The following AP1B1 variants were observed in gnomAD, a reference collection of about 807,000 sequenced individuals.
The protein encoded by AP1B1 is adaptor related protein complex 1 subunit beta 1.
In AP1B1, 36 loss-of-function variants were observed where a neutral mutation model predicts 104.3. The observed-to-expected ratio is 0.35, with a 90% CI of 0.26 to 0.46. The LOEUF is 0.46. Among genes scored for constraint, AP1B1 ranks in the 20% least tolerant of loss-of-function variants. AP1B1 has a pLI of 1.00. For missense variants in AP1B1, 901 were observed against 1,247.9 expected (o/e 0.72, Z 4.19); for synonymous variants, 504 against 517.5 (o/e 0.97, Z 0.35).
rs749823451 is a variant in AP1B1, at chr22:29,328,916, G to C, written c.2776-21C>G. ...GACAGCTGCAGGGGAGAGAGGGGTC[G>C]GGGGAAAGAGCGCTCATCCCTGGGG... On this transcript the variant is annotated intron_variant, in intron 22 of 22. Transcript: ENST00000357586. This position sits in a 1 kb window ranked among gnomAD's most constrained non-coding sequence, Gnocchi z 4.1. The C allele has an allele frequency of 6.2e-7, 1 of 1,600,290 alleles. No homozygotes were observed. Among genetic ancestry groups the C allele is most frequent in the Admixed American group, 1.7e-5 (1 of 57,464 alleles).
intron 3 of AP1B1, among the ~76,000 whole-genome samples, chr22:29,361,657 G>T (rs1411289505): frequency 1.3e-5 from 2 of 152,140 alleles, no homozygotes; most frequent in Non-Finnish European, 2.9e-5. Flanking sequence ...ACAATCTGGT[G>T]AGCAGGTAAA....
At position 29,356,516 on chromosome 22, in the gene AP1B1, G is replaced by T; in HGVS notation, c.626C>A (p.Thr209Lys). 1 of 1,614,234 alleles carries T rather than the reference G, an allele frequency of 6.2e-7. No individual in the cohort carries two copies. The highest frequency in any genetic ancestry group is 8.5e-7 in the Non-Finnish European group (1 of 1,180,042). ...LNPQSINKLLTALNECTEWGQ... is the reference protein window; with the variant it reads ...LNPQSINKLLKALNECTEWGQ... ...CCACTCGGTGCACTCATTGAGGGCT[G>T]TCAGCAGCTTGTTGATGGACTGTGG... The change falls in exon 6 of 23, where the codon ACA (threonine) becomes AAA (lysine). Residue 209 changes from threonine to lysine, a missense_variant. By Grantham distance (78) the Thr-to-Lys change is moderately conservative. Transcript: ENST00000357586.
chr22:29,358,997 G>C, intron 4 of AP1B1, 26 bp from the exon 5 acceptor site: 2 of 1,583,450 alleles, frequency 1.3e-6, no homozygotes, highest in Middle Eastern at 1.8e-4. Flanking sequence ...CATCGGCCAG[G>C]GCAGGGGTGG....
At chr22:29,388,219 G>A (rs1279970297) in intron 1 of AP1B1, among the ~76,000 whole-genome samples, 2 of 152,148 alleles carry the variant, frequency 1.3e-5, no homozygotes, top group African/African-American at 4.8e-5. Flanking sequence ...GTATGGGGCG[G>A]CCGAGGAACA....
rs181127377 is a variant in AP1B1, at chr22:29,359,975, G to A, written c.144-16C>T. On this transcript the variant is annotated splice_polypyrimidine_tract_variant and intron_variant, in intron 3 of 22. Transcript: ENST00000357586. ...GAAGAGGGCACTGGAAGGTCAAAATGGTGTCAGCATGGGAAAGGCTGAACA... is the reference window on the plus strand; with the variant it reads ...GAAGAGGGCACTGGAAGGTCAAAATAGTGTCAGCATGGGAAAGGCTGAACA... 131 of 1,610,194 alleles carry A rather than the reference G, an allele frequency of 8.1e-5. No homozygotes were observed. Among genetic ancestry groups the A allele is most frequent in the Non-Finnish European group, 1.1e-4 (126 of 1,178,056 alleles).
intron 3 of AP1B1, among the ~76,000 whole-genome samples, chr22:29,361,251 C>T (rs2062040984): frequency 1.3e-5 from 2 of 152,184 alleles, no homozygotes; most frequent in African/African-American, 4.8e-5. Context: ...AGAGCCCCTT[C>T]CCGGAGCTGC....
chr22:29,341,890 T>G, intron 12 of AP1B1, 130 bp from the exon 13 acceptor site: 1 of 1,111,640 alleles, frequency 9.0e-7, no homozygotes, highest in Non-Finnish European at 1.3e-6. Context: ...AGTGCTCCCA[T>G]GAGCCTGCCC....
intron 11 of AP1B1, among the ~76,000 whole-genome samples, chr22:29,347,487 G>A (rs914806653): frequency 3.9e-5 from 6 of 152,190 alleles, no homozygotes; most frequent in Admixed American, 3.3e-4. Flanking sequence ...GGGCAGAGGA[G>A]GGGTATGGAC....
intron 4 of AP1B1, 192 bp downstream of exon 4, chr22:29,359,632 A>C: frequency 1.6e-6 from 1 of 623,548 alleles, no homozygotes; most frequent in Non-Finnish European, 2.6e-6. Context: ...TGAGTTACGC[A>C]GGGTCCTTAG....
chr22:29,343,486 G>A (rs1310814819), intron 11 of AP1B1, among the ~76,000 whole-genome samples: 1 of 152,262 alleles, frequency 6.6e-6, no homozygotes, highest in Non-Finnish European at 1.5e-5. Flanking sequence ...CAGCAGATGA[G>A]CAGTAGGCTG....
intron 2 of AP1B1, among the ~76,000 whole-genome samples, chr22:29,365,589 C>T (rs418267): frequency 0.15 from 22,344 of 152,006 alleles, 2,060 homozygotes; most frequent in East Asian, 0.37. Context: ...CTGATCCCTG[C>T]GTACCTCTCC....
chr22:29,388,038 C>T (rs1382938602), intron 1 of AP1B1, among the ~76,000 whole-genome samples: 2 of 152,102 alleles, frequency 1.3e-5, no homozygotes, highest in Non-Finnish European at 2.9e-5. Context: ...TCTTCTTTTT[C>T]AACCTTGGCA....
chr22:29,349,904 A>G, intron 10 of AP1B1, 131 bp downstream of exon 10: 1 of 754,552 alleles, frequency 1.3e-6, no homozygotes, highest in Non-Finnish European at 2.3e-6. Flanking sequence ...TAAAAAACAA[A>G]GGGTTTCTTT....
In AP1B1 at chr22:29,329,889, G is replaced by A. The variant is rs963086589; in HGVS notation, c.2767-169C>T. The A allele has an allele frequency of 8.2e-6, 12 of 1,459,116 alleles. No individual in the cohort carries two copies. In the African/African-American group the frequency reaches 8.5e-5, roughly 10 times the overall value. 90.4% of individuals were successfully genotyped at this position (1,459,116 alleles called of 1,614,324 possible). A position where few individuals can be genotyped will look rare whatever the true frequency, so the allele number is the denominator to read the frequency against. On this transcript the variant is annotated intron_variant, in intron 21 of 22. Transcript: ENST00000357586. ...ATGCCTGCCAGAGACTCAGGGGTGTGGGGGAGAAGCAGAGTTTGGGGCTGT... is the reference window on the plus strand; with the variant it reads ...ATGCCTGCCAGAGACTCAGGGGTGTAGGGGAGAAGCAGAGTTTGGGGCTGT...
chr22:29,360,150 A>G (rs987438594), intron 3 of AP1B1, among the ~76,000 whole-genome samples, 191 bp from the exon 4 acceptor site: 3 of 152,230 alleles, frequency 2.0e-5, no homozygotes, highest in African/African-American at 7.2e-5. Flanking sequence ...AGGGAATCCC[A>G]AAGGGTAATT....
chr22:29,355,262 G>A (rs1294446263), intron 6 of AP1B1, among the ~76,000 whole-genome samples: 1 of 150,818 alleles, frequency 6.6e-6, no homozygotes, highest in African/African-American at 2.4e-5. Context: ...AGCATGTTCA[G>A]CCTGGGCAAA....
chr22:29,332,074 G>C (rs2147933258), intron 17 of AP1B1, 158 bp from the exon 18 acceptor site: 1 of 686,276 alleles, frequency 1.5e-6, no homozygotes, highest in Middle Eastern at 4.2e-4. Flanking sequence ...AGGATGGGCT[G>C]TGGGTCCCCT....
rs2147952106 is a variant in AP1B1 at position 29,339,739 on chromosome 22, A to C, written c.2019+15T>G. On this transcript the variant is annotated intron_variant, in intron 15 of 22. Transcript: ENST00000357586. ...GCAAGGACGAAGGCTTGGTGACGCA[A>C]GGGTTGAACCATACCCCTTCAGGCT... is the stretch of plus-strand genomic sequence containing the variant. 1.9e-6 allele frequency: 3 copies of C among 1,609,550 alleles called. No homozygotes were observed. The South Asian group carries it at 3.3e-5, about 18-fold the overall frequency.
rs777467673 is a variant in AP1B1 at position 29,340,865 on chromosome 22, G to A, written c.1797-8C>T. ...CTCTCTGCGCTCTCACTCCTGCCGG[G>A]ACACAGAAGTAGGGTGGAGGCATCA... On this transcript the variant is annotated splice_polypyrimidine_tract_variant and splice_region_variant and intron_variant, in intron 13 of 22. Coordinates refer to ENST00000357586, the MANE Select transcript of AP1B1 (RefSeq NM_001127.4). 4 of 1,586,134 alleles carry A rather than the reference G, an allele frequency of 2.5e-6. No homozygotes were observed. Among genetic ancestry groups the A allele is most frequent in the African/African-American group, 2.7e-5 (2 of 74,722 alleles).
Sources: allele counts gnomAD v4.1 joint callset (sites outside exome capture counted in the v4.1 genomes callset), GRCh38; gene constraint gnomAD v4.1.1; non-coding constraint Gnocchi (gnomAD v3.1); transcripts MANE v1.5; gene names NCBI Gene and HGNC (gene_info 2026-07-23, HGNC 2026-07-21).